Variants in TXNDC16 observed in about 807,000 individuals in gnomAD.
TXNDC16 encodes thioredoxin domain containing 16, also known as thioredoxin domain-containing protein 16.
TXNDC16 carries 74 observed loss-of-function variants against 85.6 expected under a neutral mutation model. That is an observed-to-expected ratio of 0.86 (90% CI 0.72 to 1.05). The LOEUF is 1.05. Among genes scored for constraint, TXNDC16 ranks in the 50% least tolerant of loss-of-function variants. The pLI, the probability that TXNDC16 is intolerant of heterozygous loss-of-function variation, is 0.00. For missense variants in TXNDC16, 959 were observed against 947.0 expected, an observed-to-expected ratio of 1.01 and a Z score of -0.17; for synonymous variants, 335 against 326.5, an observed-to-expected ratio of 1.03 and a Z score of -0.28.
intron 14 of TXNDC16, among the ~76,000 whole-genome samples, chr14:52,481,777 T>C (rs1319588893): frequency 6.6e-6 from 1 of 152,154 alleles, no homozygotes; most frequent in Non-Finnish European, 1.5e-5. Flanking sequence ...AAAAAGATCC[T>C]GGATATTAAA....
intron 9 of TXNDC16, among the ~76,000 whole-genome samples, chr14:52,510,731 G>A (rs151121598): frequency 1.3e-5 from 2 of 152,030 alleles, no homozygotes; most frequent in Non-Finnish European, 2.9e-5. Context: ...TCAACTTTTC[G>A]GAGAGAACAG....
At chr14:52,520,002 T>C (rs1373690330) in intron 6 of TXNDC16, among the ~76,000 whole-genome samples, 1 of 152,216 alleles carries the variant, frequency 6.6e-6, no homozygotes, top group Non-Finnish European at 1.5e-5. Context: ...GGCAAGGATT[T>C]TGCATATTTT....
chr14:52,524,016 A>G (rs964846895), intron 6 of TXNDC16, among the ~76,000 whole-genome samples: 1 of 152,238 alleles, frequency 6.6e-6, no homozygotes, highest in Non-Finnish European at 1.5e-5. Context: ...ATTTTTTCTT[A>G]TAATTTCCCA....
intron 11 of TXNDC16, among the ~76,000 whole-genome samples, chr14:52,488,831 G>GAAAAAAAAAAAA (rs199871075): frequency 3.7e-4 from 33 of 89,980 alleles, no homozygotes; most frequent in Non-Finnish European, 4.6e-4. Context: ...GAGACTCTGG[G>GAAAAAAAAAAAA]AAAAAAAAAA....
At chr14:52,446,777 C>CT (rs1170651363) in intron 18 of TXNDC16, among the ~76,000 whole-genome samples, 1 of 152,132 alleles carries the variant, frequency 6.6e-6, no homozygotes, top group Non-Finnish European at 1.5e-5. Flanking sequence ...GTGAAGCTCC[C>CT]TTTCCAGGTC....
In TXNDC16 at chr14:52,457,152, T is replaced by C; in HGVS notation, c.1641A>G (p.Ala547=). 6.3e-7 allele frequency: 1 copy of C among 1,587,894 alleles called. No individual in the cohort carries two copies. Among genetic ancestry groups the C allele is most frequent in the South Asian group, 1.2e-5 (1 of 85,646 alleles). The change falls in exon 17 of 21, where the codon GCA becomes GCG. Residue 547 remains alanine, a synonymous_variant. Coordinates refer to ENST00000281741, the MANE Select transcript of TXNDC16 (RefSeq NM_020784.3). ...MKTAKEDFSE[A]GNYLKGYVIT... is the part of the protein sequence containing the mutation. ...TAACATATCCTTTTAGGTAGTTTCC[T>C]GCTTCACTAAAATCTTCTTTTGCTA...
rs2037045216 is a variant in TXNDC16, at chr14:52,514,936, A to T, written c.549T>A (p.Tyr183Ter). 2 of 1,613,036 alleles carry T rather than the reference A, an allele frequency of 1.2e-6. No individual in the cohort carries two copies. Among genetic ancestry groups the T allele is most frequent in the Non-Finnish European group, 1.7e-6 (2 of 1,179,218 alleles). The change falls in exon 8 of 21, where the codon TAT becomes TAA. Residue 183 changes from tyrosine to a stop codon, truncating the protein, a stop_gained. Coordinates refer to ENST00000281741, the MANE Select transcript of TXNDC16 (RefSeq NM_020784.3). LOFTEE classifies it high-confidence loss of function. ...HRAVMEAAFV[Y>*]GTTYQFVLTT... Reference sequence around the variant, plus strand: ...TTAAGACAAATTGGTATGTAGTCCCATACACAAAAGCGGCTTCCATGACTG... The same window carrying T: ...TTAAGACAAATTGGTATGTAGTCCCTTACACAAAAGCGGCTTCCATGACTG...
intron 18 of TXNDC16, 96 bp from the exon 19 acceptor site, chr14:52,440,820 G>A (rs1184298546): frequency 1.7e-6 from 2 of 1,159,520 alleles, no homozygotes; most frequent in African/African-American, 3.2e-5. Flanking sequence ...ATTTTAGTTT[G>A]TAAAATGTAA....
intron 6 of TXNDC16, among the ~76,000 whole-genome samples, chr14:52,532,414 C>T (rs2037602312): frequency 6.6e-6 from 1 of 151,912 alleles, no homozygotes; most frequent in Non-Finnish European, 1.5e-5. Context: ...TAAAAATGGA[C>T]AAAAGTTGTC....
At chr14:52,467,054 A>G (rs2035793475) in intron 16 of TXNDC16, among the ~76,000 whole-genome samples, 1 of 152,052 alleles carries the variant, frequency 6.6e-6, no homozygotes, top group African/African-American at 2.4e-5. Context: ...AACATGTATT[A>G]TAAAACTAAT....
At chr14:52,512,054 C>G (rs1245242947) in intron 8 of TXNDC16, among the ~76,000 whole-genome samples, 1 of 152,060 alleles carries the variant, frequency 6.6e-6, no homozygotes, top group African/African-American at 2.4e-5. Context: ...TGGCAAAATA[C>G]TACAAAATTT....
At chr14:52,444,018 T>C (rs143356099) in intron 18 of TXNDC16, among the ~76,000 whole-genome samples, 1 of 152,104 alleles carries the variant, frequency 6.6e-6, no homozygotes, top group African/African-American at 2.4e-5. Context: ...AAGATGTAAT[T>C]CTAGGGAATA....
rs142815465 is a variant in TXNDC16 at position 52,467,114 on chromosome 14, G to C, written c.1618+2923C>G. 3.5e-3 allele frequency among the ~76,000 whole-genome samples: 524 copies of C among 151,812 alleles called. 4 individuals are homozygous for C. Among genetic ancestry groups the C allele is most frequent in the African/African-American group, 0.012 (507 of 41,424 alleles). On this transcript the variant is annotated intron_variant, in intron 16 of 20. Coordinates refer to ENST00000281741, the MANE Select transcript of TXNDC16 (RefSeq NM_020784.3). ...GAATAAAATAGAAAACAATTAAACA[G>C]ACATATATCACACACACACACATAT...
At position 52,490,434 on chromosome 14, in the gene TXNDC16, T is replaced by A. The variant is rs1186992353; in HGVS notation, c.941A>T (p.Asn314Ile). 1 of 1,601,602 alleles carries A rather than the reference T, an allele frequency of 6.2e-7. No individual in the cohort carries two copies. The highest frequency in any genetic ancestry group is 1.3e-5 in the African/African-American group (1 of 74,446). Residue 314 changes from asparagine to isoleucine, a missense_variant, in exon 11 of 21, where the codon AAC becomes ATC. By Grantham distance (149) the Asn-to-Ile change is moderately radical. Transcript: ENST00000281741. ...LLLLRDSLEVNIPQDANVVFK... is the reference protein window; with the variant it reads ...LLLLRDSLEVIIPQDANVVFK... ...GACCACATTAGCATCTTGAGGAATG[T>A]TCACTTCCAAAGAGTCCCTTTTTCA...
intron 16 of TXNDC16, among the ~76,000 whole-genome samples, chr14:52,467,860 T>C (rs1429329777): frequency 1.3e-5 from 2 of 152,194 alleles, no homozygotes; most frequent in Non-Finnish European, 2.9e-5. Context: ...AATTCATTAA[T>C]GGATAAACAG....
At chr14:52,543,275 A>G (rs1393493688) in intron 3 of TXNDC16, 123 bp downstream of exon 3, 2 of 1,081,690 alleles carry the variant, frequency 1.8e-6, no homozygotes, top group Non-Finnish European at 2.6e-6. Flanking sequence ...CCAGTCAGAC[A>G]TATTATAGTA....
chr14:52,455,332 C>T lies in TXNDC16; in HGVS notation c.1834G>A (p.Glu612Lys). ...TTATAAAACATACTCACAAACATTTCCAGTAGTGCATCTGTTATTATTTGA... is the reference window on the plus strand; with the variant it reads ...TTATAAAACATACTCACAAACATTTTCAGTAGTGCATCTGTTATTATTTGA... ...IVQIITDALLEMFPEITVENL... is the reference protein window; with the variant it reads ...IVQIITDALLKMFPEITVENL... The change falls in exon 18 of 21, where the codon GAA becomes AAA. Residue 612 changes from glutamate to lysine, a missense_variant. By Grantham distance (56) the Glu-to-Lys change is moderately conservative. Transcript: ENST00000281741. The T allele has an allele frequency of 6.2e-7, 1 of 1,613,434 alleles. No individual in the cohort carries two copies. The highest frequency in any genetic ancestry group is 8.5e-7 in the Non-Finnish European group (1 of 1,179,710).
intron 14 of TXNDC16, among the ~76,000 whole-genome samples, chr14:52,480,379 C>T (rs1479686973): frequency 1.3e-5 from 2 of 152,040 alleles, no homozygotes; most frequent in African/African-American, 2.4e-5. Flanking sequence ...GCAGAGTAAA[C>T]AGACAACTCA....
intron 18 of TXNDC16, 27 bp downstream of exon 18, chr14:52,455,297 A>G (rs374329941): frequency 6.2e-7 from 1 of 1,611,470 alleles, no homozygotes; most frequent in African/African-American, 1.3e-5. Flanking sequence ...TATTTCAAGT[A>G]TCACCCTTAT....
Sources: gnomAD v4.1 joint callset for allele counts (sites outside exome capture counted in the v4.1 genomes callset) on GRCh38, gnomAD v4.1.1 for gene constraint, MANE v1.5 for transcripts, NCBI Gene and HGNC (gene_info 2026-07-23, HGNC 2026-07-21) for gene names.